The following RICTOR variants were observed in gnomAD, a reference collection of about 807,000 sequenced individuals.
RICTOR encodes rapamycin-insensitive companion of mTOR.
In RICTOR, 49 loss-of-function variants were observed where a neutral mutation model predicts 214.9. That is an observed-to-expected ratio of 0.23 (90% CI 0.18 to 0.29). RICTOR has a LOEUF of 0.29. RICTOR is among the 10% of genes least tolerant of loss of function. The pLI, the probability that RICTOR is intolerant of heterozygous loss-of-function variation, is 1.00. For synonymous variants in RICTOR, 717 were observed against 711.3 expected, an observed-to-expected ratio of 1.01 and a Z score of -0.13; for missense variants, 1,625 against 2,047.0, an observed-to-expected ratio of 0.79 and a Z score of 3.98.
intron 3 of RICTOR, among the ~76,000 whole-genome samples, chr5:39,020,691 C>A (rs966623830): frequency 2.0e-5 from 3 of 152,146 alleles, no homozygotes; most frequent in Non-Finnish European, 4.4e-5. Context: ...GGTTTAGAAT[C>A]AAACCCACAA....
Position 38,958,480 on chromosome 5 carries a change from A to G in RICTOR, c.2383T>C (p.Ser795Pro). The G allele has an allele frequency of 6.2e-7, 1 of 1,612,530 alleles. No individual in the cohort carries two copies. Among genetic ancestry groups the G allele is most frequent in the Non-Finnish European group, 8.5e-7 (1 of 1,178,704 alleles). ...HALIQMKPAL[S>P]HLGDKGLLLL... The stretch of plus-strand genomic sequence containing the variant: ...AGCAAACCCTTGTCTCCAAGGTGGG[A>G]TAACGCTGGTTTCATCTGAATGAGA... Residue 795 changes from serine to proline, a missense_variant, in exon 24 of 38, where the codon TCC becomes CCC. Physicochemically the swap from Ser to Pro is moderately conservative, Grantham distance 74. Around this residue, in one of 5 missense-constraint regions of RICTOR, gnomAD observed 1,214 missense variants for 1,470.5 expected, o/e 0.83. Transcript: ENST00000357387.
At chr5:38,981,107 T>C (rs1453995639) in intron 8 of RICTOR, 1 of 152,160 alleles carries the variant, frequency 6.6e-6, no homozygotes, top group Non-Finnish European at 1.5e-5. Context: ...TTTTTAAAAA[T>C]AGTCCTGATA....
chr5:38,988,878 G>C (rs1752372214), intron 7 of RICTOR, among the ~76,000 whole-genome samples: 1 of 152,108 alleles, frequency 6.6e-6, no homozygotes, highest in Non-Finnish European at 1.5e-5. Context: ...ACAAACAAAT[G>C]GAAGAACATT....
At chr5:39,047,765 C>G (rs1325204305) in intron 2 of RICTOR, among the ~76,000 whole-genome samples, 2 of 152,142 alleles carry the variant, frequency 1.3e-5, no homozygotes, top group Non-Finnish European at 2.9e-5. Flanking sequence ...AGCTTTCATT[C>G]TCAGAGATTT....
chr5:38,999,140 G>A (rs2592301), intron 5 of RICTOR, among the ~76,000 whole-genome samples: 4 of 150,494 alleles, frequency 2.7e-5, no homozygotes, highest in African/African-American at 7.3e-5. Context: ...TTAATAAACA[G>A]GTAAGTAGAA....
intron 17 of RICTOR, 115 bp from the exon 18 acceptor site, chr5:38,962,701 G>T: frequency 1.2e-6 from 1 of 809,078 alleles, no homozygotes; most frequent in Non-Finnish European, 1.9e-6. Context: ...ATAGATCAAG[G>T]TTTTTTAACT....
chr5:38,986,858 T>C (rs1254466345), intron 7 of RICTOR, among the ~76,000 whole-genome samples: 1 of 152,190 alleles, frequency 6.6e-6, no homozygotes, highest in Non-Finnish European at 1.5e-5. Context: ...GGCTGTGGAT[T>C]TGTCATAAAC....
At chr5:38,947,204 A>C in intron 32 of RICTOR, 60 bp downstream of exon 32, 1 of 1,226,340 alleles carries the variant, frequency 8.2e-7, no homozygotes, top group Non-Finnish European at 1.2e-6. Context: ...GTAAGCAGTT[A>C]CAGCATATGA....
Position 38,941,478 on chromosome 5 carries a change from C to T in RICTOR, c.*826G>A, listed in dbSNP as rs770817811. The T allele has an allele frequency of 7.8e-5, 18 of 230,936 alleles. No individual in the cohort carries two copies. The highest frequency in any genetic ancestry group is 1.5e-4 in the Non-Finnish European group (18 of 116,608). 14.3% of individuals were successfully genotyped at this position (230,936 alleles called of 1,614,324 possible). ...TGCTTGTTCAAGTTCCTGTTTAAAG[C>T]GATGAGATGGAAAGTTGATGAAAGT... On this transcript the variant is annotated 3_prime_UTR_variant, in exon 38 of 38. Coordinates refer to ENST00000357387, the MANE Select transcript of RICTOR (RefSeq NM_152756.5).
intron 24 of RICTOR, 116 bp downstream of exon 24, chr5:38,958,327 A>G: frequency 1.5e-6 from 1 of 684,866 alleles, no homozygotes; most frequent in Non-Finnish European, 2.6e-6. Flanking sequence ...ACAATGTTTC[A>G]ATATTAAAAG....
chr5:39,053,856 G>C (rs1250549914), intron 2 of RICTOR, among the ~76,000 whole-genome samples: 6 of 143,338 alleles, frequency 4.2e-5, no homozygotes, highest in Non-Finnish European at 9.0e-5. Flanking sequence ...TTGCGCCACT[G>C]CACTCCAGCC....
At chr5:39,028,417 C>G (rs1036935439) in intron 2 of RICTOR, among the ~76,000 whole-genome samples, 1 of 151,782 alleles carries the variant, frequency 6.6e-6, no homozygotes, top group African/African-American at 2.4e-5. Context: ...CTCCTGACCT[C>G]GTGATCCGCC....
At position 39,073,107 on chromosome 5, in the gene RICTOR, C is replaced by G. The variant is rs114587454; in HGVS notation, c.97+1004G>C. On this transcript the variant is annotated intron_variant, in intron 2 of 37. Transcript: ENST00000357387. Reference sequence around the variant, plus strand: ...GTACGACATAGGGTAAAAAACTGATCTCATACAGAATGTCTACAACAAGTT... The same window carrying G: ...GTACGACATAGGGTAAAAAACTGATGTCATACAGAATGTCTACAACAAGTT... 7.8e-3 allele frequency among the ~76,000 whole-genome samples: 1,193 copies of G among 152,262 alleles called. 22 individuals are homozygous for G. The highest frequency in any genetic ancestry group is 0.028 in the African/African-American group (1,161 of 41,530).
chr5:38,990,534 T>TATATAC (rs1554067796), intron 7 of RICTOR, among the ~76,000 whole-genome samples: 5 of 22,768 alleles, frequency 2.2e-4, no homozygotes, highest in South Asian at 8.4e-4. Context: ...ACGATATATA[T>TATATAC]ACGATATATA....
intron 2 of RICTOR, among the ~76,000 whole-genome samples, chr5:39,059,731 A>G (rs1758417514): frequency 6.6e-6 from 1 of 151,962 alleles, no homozygotes; most frequent in Non-Finnish European, 1.5e-5. Flanking sequence ...TCCACTTTCT[A>G]TGATTTTTTT....
rs1418552034 is a variant in RICTOR at position 39,058,053 on chromosome 5, G to A, written c.97+16058C>T. 5.3e-5 allele frequency among the ~76,000 whole-genome samples: 8 copies of A among 151,904 alleles called. No individual in the cohort carries two copies. In the East Asian group the frequency reaches 1.5e-3, roughly 29 times the overall value. Reference sequence around the variant, plus strand: ...CTAAAACAACACATGTTGCCAAGTTGCTGTCAGGTATTTAATCAATTTCCT... The same window carrying A: ...CTAAAACAACACATGTTGCCAAGTTACTGTCAGGTATTTAATCAATTTCCT... On this transcript the variant is annotated intron_variant, in intron 2 of 37. Transcript: ENST00000357387.
chr5:39,028,897 C>T (rs1374635967), intron 2 of RICTOR, among the ~76,000 whole-genome samples: 1 of 151,946 alleles, frequency 6.6e-6, no homozygotes, highest in African/African-American at 2.4e-5. Flanking sequence ...GACCCAGTCT[C>T]TTAAAACCAA....
At chr5:39,011,103 A>C (rs1754479004) in intron 3 of RICTOR, among the ~76,000 whole-genome samples, 1 of 152,086 alleles carries the variant, frequency 6.6e-6, no homozygotes, top group Admixed American at 6.5e-5. Flanking sequence ...AGGAGGAAAA[A>C]GTGGTTTCCT....
At chr5:39,051,239 T>C (rs10037713) in intron 2 of RICTOR, among the ~76,000 whole-genome samples, 24,546 of 152,172 alleles carry the variant, frequency 0.16, 2,130 homozygotes, top group Middle Eastern at 0.22. Context: ...AAAGAATGGA[T>C]AAATAACTGT....
Sources: allele counts gnomAD v4.1 joint callset (sites outside exome capture counted in the v4.1 genomes callset), GRCh38; gene constraint gnomAD v4.1.1; regional missense constraint gnomAD v4.1.1; transcripts MANE v1.5; gene names NCBI Gene and HGNC (gene_info 2026-07-23, HGNC 2026-07-21).